CCDC178: variants seen among roughly 807,000 people sequenced by gnomAD.
The protein encoded by CCDC178 is coiled-coil domain containing 178.
A neutral mutation model predicts 117.4 loss-of-function variants in CCDC178; 126 were observed. The ratio of observed to expected loss-of-function variants is 1.07; its 90% confidence interval spans 0.93 to 1.24. The LOEUF (loss-of-function observed/expected upper bound fraction) is 1.24. Ranked by LOEUF, CCDC178 falls within the 50% of genes most tolerant of loss-of-function variation. The pLI is 0.00. For synonymous variants in CCDC178, 283 were observed against 313.4 expected, an observed-to-expected ratio of 0.90 and a Z score of 1.02; for missense variants, 1,030 against 986.9, an observed-to-expected ratio of 1.04 and a Z score of -0.59.
chr18:33,398,063 A>T (rs2063663744), intron 3 of CCDC178, among the ~76,000 whole-genome samples: 2 of 152,086 alleles, frequency 1.3e-5, no homozygotes, highest in African/African-American at 4.8e-5. Context: ...ATTATTTTTA[A>T]ATTTTAAAAA....
chr18:32,996,806 A>G (rs959822827), intron 21 of CCDC178, among the ~76,000 whole-genome samples: 5 of 152,094 alleles, frequency 3.3e-5, no homozygotes, highest in Non-Finnish European at 7.4e-5. Context: ...TAAAAAATTG[A>G]ATGTAGAAAA....
intron 6 of CCDC178, among the ~76,000 whole-genome samples, chr18:33,361,553 A>G (rs2063128286): frequency 1.3e-5 from 2 of 151,848 alleles, no homozygotes; most frequent in South Asian, 4.1e-4. Context: ...AATAATTGGA[A>G]ACCACATATC....
At chr18:33,429,376 C>G (rs6507026) in intron 2 of CCDC178, among the ~76,000 whole-genome samples, 95,419 of 150,810 alleles carry the variant, frequency 0.63, 30,404 homozygotes, top group South Asian at 0.81. Flanking sequence ...GAGAGACAGA[C>G]AGAGAGAGAG....
chr18:33,106,667 A>G lies in CCDC178; in HGVS notation c.2239-13757T>C, dbSNP rs915897662. Among the ~76,000 whole-genome samples the G allele has an allele frequency of 4.0e-5, 6 of 151,708 alleles. No individual in the cohort carries two copies. In the East Asian group the frequency reaches 1.2e-3, roughly 30 times the overall value. ...GGAATTTGGGAATATGCTATGCTAC[A>G]TGGCAAAGGGACTTTGCAGCTATGA... On this transcript the variant is annotated intron_variant, in intron 20 of 22. Coordinates refer to ENST00000383096, the MANE Select transcript of CCDC178 (RefSeq NM_001105528.4).
intron 21 of CCDC178, among the ~76,000 whole-genome samples, chr18:32,985,659 A>C (rs2055246674): frequency 6.6e-6 from 1 of 152,054 alleles, no homozygotes. Context: ...CTTTCAGAAA[A>C]CATTGTGAAC....
At chr18:33,418,579 T>TA (rs111702364) in intron 2 of CCDC178, among the ~76,000 whole-genome samples, 208 of 145,970 alleles carry the variant, frequency 1.4e-3, no homozygotes, top group Middle Eastern at 0.011. Flanking sequence ...TTTCTATATC[T>TA]AAAAAAAAAA....
chr18:33,195,205 G>C (rs1330694752), intron 20 of CCDC178, among the ~76,000 whole-genome samples: 1 of 151,686 alleles, frequency 6.6e-6, no homozygotes, highest in African/African-American at 2.4e-5. Flanking sequence ...CTAAAGAAAA[G>C]TTTAGTAAAA....
chr18:33,334,994 T>C (rs1401379112), intron 9 of CCDC178, among the ~76,000 whole-genome samples: 1 of 152,120 alleles, frequency 6.6e-6, no homozygotes, highest in East Asian at 1.9e-4. Context: ...TATCCCTATG[T>C]ATTTTCATTC....
At chr18:33,329,721 T>C (rs2062637217) in intron 10 of CCDC178, among the ~76,000 whole-genome samples, 1 of 152,182 alleles carries the variant, frequency 6.6e-6, no homozygotes, top group Non-Finnish European at 1.5e-5. Context: ...TTTTTGCGTC[T>C]ATATTCATAA....
intron 21 of CCDC178, among the ~76,000 whole-genome samples, chr18:33,006,239 T>A (rs1203598022): frequency 1.3e-5 from 2 of 152,020 alleles, no homozygotes; most frequent in African/African-American, 4.8e-5. Context: ...AGAGGTACCA[T>A]TTTAAGAGGG....
At chr18:32,982,714 A>T (rs1037074055) in intron 21 of CCDC178, among the ~76,000 whole-genome samples, 1 of 152,180 alleles carries the variant, frequency 6.6e-6, no homozygotes, top group Non-Finnish European at 1.5e-5. Flanking sequence ...CAAACAGAAA[A>T]TTAACAGAAT....
intron 10 of CCDC178, 152 bp from the exon 11 acceptor site, chr18:33,323,785 C>T: frequency 2.3e-6 from 1 of 437,396 alleles, no homozygotes. Context: ...GGAATTTCAG[C>T]CCTGACAGGC....
At chr18:33,308,768 A>G (rs949501645) in intron 11 of CCDC178, among the ~76,000 whole-genome samples, 1 of 152,116 alleles carries the variant, frequency 6.6e-6, no homozygotes, top group Non-Finnish European at 1.5e-5. Context: ...CACAAGATCT[A>G]ATGGTTTTAT....
At chr18:33,114,618 T>G (rs1214509130) in intron 20 of CCDC178, among the ~76,000 whole-genome samples, 5 of 152,080 alleles carry the variant, frequency 3.3e-5, no homozygotes, top group Admixed American at 3.3e-4. Flanking sequence ...TCACATTCAA[T>G]TATCTTGTGT....
intron 20 of CCDC178, among the ~76,000 whole-genome samples, chr18:33,188,126 C>T (rs1201943593): frequency 6.7e-6 from 1 of 150,322 alleles, no homozygotes; most frequent in Non-Finnish European, 1.5e-5. Flanking sequence ...CAAATAACAG[C>T]ACTAAGCCAG....
rs532431016 is a variant in CCDC178, at chr18:33,311,186, A to G, written c.1022+12305T>C. Reference sequence around the variant, plus strand: ...AGGAAAACAAAACAAAACAAAAAACAAACAACAACAAAAAACTGTTCTCTA... The same window carrying G: ...AGGAAAACAAAACAAAACAAAAAACGAACAACAACAAAAAACTGTTCTCTA... On this transcript the variant is annotated intron_variant, in intron 11 of 22. Transcript: ENST00000383096. 2.0e-5 allele frequency among the ~76,000 whole-genome samples: 3 copies of G among 152,264 alleles called. No homozygotes were observed. The South Asian group carries it at 6.2e-4, about 32-fold the overall frequency.
At chr18:33,328,116 T>TGAGACAGAGTCTTGCTCTG in intron 10 of CCDC178, 1 of 304,818 alleles carries the variant, frequency 3.3e-6, no homozygotes. Context: ...TTTTTTTTTT[T>TGAGACAGAGTCTTGCTCTG]TTTTGAGACA....
At chr18:32,952,505 C>A (rs2054508203) in intron 22 of CCDC178, among the ~76,000 whole-genome samples, 1 of 152,162 alleles carries the variant, frequency 6.6e-6, no homozygotes, top group Admixed American at 6.5e-5. Context: ...GGCAACAGGA[C>A]ACCATGTTCT....
chr18:33,294,165 C>G (rs912977825), intron 11 of CCDC178, among the ~76,000 whole-genome samples: 1 of 152,162 alleles, frequency 6.6e-6, no homozygotes, highest in African/African-American at 2.4e-5. Flanking sequence ...GTGAACCACA[C>G]AATCCTTTAT....
Sources: allele counts gnomAD v4.1 joint callset (sites outside exome capture counted in the v4.1 genomes callset), GRCh38; gene constraint gnomAD v4.1.1; transcripts MANE v1.5; gene names NCBI Gene and HGNC (gene_info 2026-07-23, HGNC 2026-07-21).